The following CACNA2D1 variants were observed in gnomAD, a reference collection of about 807,000 sequenced individuals.
CACNA2D1 encodes calcium voltage-gated channel auxiliary subunit alpha2delta 1.
A neutral mutation model predicts 171.5 loss-of-function variants in CACNA2D1; 53 were observed. The ratio of observed to expected loss-of-function variants is 0.31; its 90% CI spans 0.25 to 0.39. CACNA2D1 has a LOEUF of 0.39. CACNA2D1 is among the 10% of genes least tolerant of loss of function. CACNA2D1 has a pLI of 1.00. For synonymous variants in CACNA2D1, 442 were observed against 443.1 expected (o/e 1.00, Z 0.03); for missense variants, 903 against 1,299.8 (o/e 0.69, Z 4.69).
In CACNA2D1 at chr7:82,349,628, C is replaced by T. The variant is rs1394881860; in HGVS notation, c.117G>A (p.Lys39=). 6.2e-7 allele frequency: 1 copy of T among 1,613,710 alleles called. No individual in the cohort carries two copies. Among genetic ancestry groups the T allele is most frequent in the Non-Finnish European group, 8.5e-7 (1 of 1,179,742 alleles). ...CCAGTGTGACAAGGTCTTCTTGCAT[C>T]TTATCCACCCATGATTTGATACTGC... is the stretch of plus-strand genomic sequence containing the variant. ...SAVTIKSWVD[K]MQEDLVTLAK... is the part of the protein sequence containing the mutation. Residue 39 remains lysine (K), a synonymous_variant, in exon 2 of 39, where the codon AAG becomes AAA. Transcript: ENST00000356860.
At chr7:82,152,013 A>G (rs1793903001) in intron 4 of CACNA2D1, among the ~76,000 whole-genome samples, 1 of 152,082 alleles carries the variant, frequency 6.6e-6, no homozygotes. Context: ...TAGCAGATCT[A>G]GAAACACATA....
chr7:82,261,680 G>A (rs1049440085), intron 3 of CACNA2D1, among the ~76,000 whole-genome samples: 7 of 152,026 alleles, frequency 4.6e-5, no homozygotes, highest in African/African-American at 1.7e-4. Flanking sequence ...AATCTGAAAT[G>A]GATAAAAAAT....
At position 81,983,170 on chromosome 7, in the gene CACNA2D1, T is replaced by C. The variant is rs1266077174; in HGVS notation, c.1894+144A>G. 7.2e-6 allele frequency: 5 copies of C among 695,520 alleles called. No homozygotes were observed. The East Asian group carries it at 1.1e-4, about 15-fold the overall frequency. The allele number at this position is 695,520 out of a possible 1,614,324, so 43.1% of individuals were successfully genotyped here. On this transcript the variant is annotated intron_variant, in intron 23 of 38. Transcript: ENST00000356860. Reference sequence around the variant, plus strand: ...ACACAGCATATTCTTTCTACCATTTTTTTGCTGCTAAGTTTTGAGTGATCA... The same window carrying C: ...ACACAGCATATTCTTTCTACCATTTCTTTGCTGCTAAGTTTTGAGTGATCA...
At chr7:82,051,378 G>C (rs544297435) in intron 10 of CACNA2D1, among the ~76,000 whole-genome samples, 1 of 151,728 alleles carries the variant, frequency 6.6e-6, no homozygotes, top group African/African-American at 2.4e-5. Context: ...GCTGCTTAGC[G>C]ACTACAATCT....
chr7:82,170,333 G>A (rs6956467), intron 4 of CACNA2D1, among the ~76,000 whole-genome samples: 5 of 148,004 alleles, frequency 3.4e-5, no homozygotes, highest in African/African-American at 1.3e-4. Context: ...TTTGGTTTTT[G>A]TTTTTTTTTG....
At chr7:82,388,853 C>T (rs1241395883) in intron 1 of CACNA2D1, among the ~76,000 whole-genome samples, 2 of 151,964 alleles carry the variant, frequency 1.3e-5, no homozygotes, top group Non-Finnish European at 2.9e-5. Context: ...CGGTGGCTCA[C>T]GCCTGTAATC....
chr7:82,147,011 A>AAAAAAAAAAAAC (rs1793212447), intron 4 of CACNA2D1, among the ~76,000 whole-genome samples: 1 of 144,982 alleles, frequency 6.9e-6, no homozygotes, highest in African/African-American at 2.5e-5. Flanking sequence ...AAAAAAAAAA[A>AAAAAAAAAAAAC]AAAAAGCAGC....
At chr7:82,423,459 A>C (rs77570896) in intron 1 of CACNA2D1, among the ~76,000 whole-genome samples, 1,617 of 152,322 alleles carry the variant, frequency 0.011, 15 homozygotes, top group Non-Finnish European at 0.018. Flanking sequence ...TGCAGTATCA[A>C]AATAGTTGGT....
intron 2 of CACNA2D1, among the ~76,000 whole-genome samples, chr7:82,337,145 ATACT>A (rs909629123): frequency 2.6e-5 from 4 of 152,172 alleles, no homozygotes; most frequent in African/African-American, 4.8e-5. Flanking sequence ...TAATTTTTAA[ATACT>A]TAACAAAAAC....
intron 3 of CACNA2D1, among the ~76,000 whole-genome samples, chr7:82,244,634 A>G (rs929027061): frequency 3.9e-5 from 6 of 152,184 alleles, no homozygotes; most frequent in Non-Finnish European, 8.8e-5. Flanking sequence ...GCAAGGGGAA[A>G]AAAAGCAAGC....
rs897967226 is a variant in CACNA2D1, at chr7:82,220,121, G to A, written c.295-49512C>T. On this transcript the variant is annotated intron_variant, in intron 3 of 38. Coordinates refer to ENST00000356860, the MANE Select transcript of CACNA2D1 (RefSeq NM_000722.4). The stretch of plus-strand genomic sequence containing the variant: ...GTTTCCACTTCAAAACAGAGGGCAC[G>A]CAGCAAATCTTTAAACATGTCAATA... Among the ~76,000 whole-genome samples, 7 of 152,076 alleles carry A rather than the reference G, an allele frequency of 4.6e-5. No individual in the cohort carries two copies. The East Asian group carries it at 9.6e-4, about 21-fold the overall frequency.
intron 6 of CACNA2D1, among the ~76,000 whole-genome samples, chr7:82,100,691 A>T (rs1338290428): frequency 6.6e-6 from 1 of 152,192 alleles, no homozygotes; most frequent in Non-Finnish European, 1.5e-5. Flanking sequence ...AAGTGTATAC[A>T]CATGTGTATT....
intron 6 of CACNA2D1, among the ~76,000 whole-genome samples, chr7:82,103,666 TATAC>T (rs1345788494): frequency 3.1e-5 from 4 of 128,550 alleles, no homozygotes; most frequent in Admixed American, 7.8e-5. Flanking sequence ...TGTGTGTGTA[TATAC>T]ATATTCAGAT....
In CACNA2D1 at chr7:82,398,861, G is replaced by A. The variant is rs555957675; in HGVS notation, c.95+44504C>T. ...CCTAAAGTGCTAGGATTACAGGCAT[G>A]AGCCACCACACCCGGCCCCATTCTC... On this transcript the variant is annotated intron_variant, in intron 1 of 38. Coordinates refer to ENST00000356860, the MANE Select transcript of CACNA2D1 (RefSeq NM_000722.4). 5.9e-5 allele frequency among the ~76,000 whole-genome samples: 9 copies of A among 151,984 alleles called. No individual in the cohort carries two copies. In the East Asian group the frequency reaches 7.7e-4, roughly 13 times the overall value.
chr7:81,966,179 G>A (rs560256533), intron 31 of CACNA2D1, among the ~76,000 whole-genome samples: 38 of 130,080 alleles, frequency 2.9e-4, no homozygotes, highest in African/African-American at 9.5e-4. Flanking sequence ...AAAGCAAAAC[G>A]CAAAACAAAA....
chr7:82,237,995 A>G (rs1033421023), intron 3 of CACNA2D1, among the ~76,000 whole-genome samples: 1 of 151,904 alleles, frequency 6.6e-6, no homozygotes, highest in African/African-American at 2.4e-5. Flanking sequence ...TTTTTTCCAC[A>G]CACTATCTCA....
intron 7 of CACNA2D1, among the ~76,000 whole-genome samples, chr7:82,067,096 G>A (rs889416948): frequency 6.6e-6 from 1 of 152,032 alleles, no homozygotes; most frequent in Non-Finnish European, 1.5e-5. Flanking sequence ...CAACAATCTT[G>A]TATGACTTTC....
chr7:82,328,893 C>T (rs1159804828), intron 3 of CACNA2D1, among the ~76,000 whole-genome samples: 1 of 152,070 alleles, frequency 6.6e-6, no homozygotes, highest in Non-Finnish European at 1.5e-5. Flanking sequence ...AAATCAATGA[C>T]CCCTAATAGC....
chr7:82,097,959 C>CA (rs1812101179), intron 6 of CACNA2D1, among the ~76,000 whole-genome samples: 1 of 151,792 alleles, frequency 6.6e-6, no homozygotes, highest in Non-Finnish European at 1.5e-5. Flanking sequence ...ACTAAAAATA[C>CA]AAAAATTACT....
Sources: gnomAD v4.1 joint callset for allele counts (sites outside exome capture counted in the v4.1 genomes callset) on GRCh38, gnomAD v4.1.1 for gene constraint, MANE v1.5 for transcripts, NCBI Gene and HGNC (gene_info 2026-07-23, HGNC 2026-07-21) for gene names.